Variants in LAMA1 observed in about 807,000 individuals in gnomAD.
The protein encoded by LAMA1 is laminin subunit alpha-1.
In LAMA1, 219 loss-of-function variants were observed where a neutral mutation model predicts 348.7. That is an observed-to-expected ratio of 0.63 (90% CI 0.56 to 0.70). LAMA1 has a LOEUF of 0.70. LAMA1 is among the 30% of genes least tolerant of loss of function. The probability of loss-of-function intolerance (pLI) is 0.00; values close to 1 mark genes in which losing one functional copy is unlikely to be tolerated. For synonymous variants in LAMA1, 1,487 were observed against 1,491.0 expected (o/e 1.00, Z 0.06); for missense variants, 3,744 against 3,888.0 (o/e 0.96, Z 0.99).
At chr18:7,080,592 C>T (rs528998684) in intron 1 of LAMA1, 135 bp from the exon 2 acceptor site, 4 of 898,918 alleles carry the variant, frequency 4.4e-6, no homozygotes, top group South Asian at 2.9e-5. Flanking sequence ...TACACAAACA[C>T]CGTATACGCA....
At chr18:7,038,010 G>T (rs1409152057) in intron 11 of LAMA1, among the ~76,000 whole-genome samples, 1 of 152,048 alleles carries the variant, frequency 6.6e-6, no homozygotes, top group Non-Finnish European at 1.5e-5. Flanking sequence ...AACCATAAAG[G>T]CCATGGGTAT....
At chr18:6,995,656 T>C (rs2057778170) in intron 33 of LAMA1, among the ~76,000 whole-genome samples, 1 of 152,224 alleles carries the variant, frequency 6.6e-6, no homozygotes, top group South Asian at 2.1e-4. Flanking sequence ...ATATTTCTGA[T>C]ATAGATATAA....
chr18:6,995,559 T>C, intron 33 of LAMA1, 113 bp from the exon 34 acceptor site: 1 of 709,940 alleles, frequency 1.4e-6, no homozygotes, highest in African/African-American at 1.8e-5. Flanking sequence ...CTTCTTTCCT[T>C]GGAACTGTCA....
chr18:7,000,178 G>A, intron 30 of LAMA1, among the ~76,000 whole-genome samples, 181 bp from the exon 31 acceptor site: 1 of 152,214 alleles, frequency 6.6e-6, no homozygotes, highest in East Asian at 1.9e-4. Flanking sequence ...ATCAGTAAGT[G>A]CACACACATC....
At chr18:7,057,420 C>T (rs2058085893) in intron 3 of LAMA1, among the ~76,000 whole-genome samples, 1 of 151,650 alleles carries the variant, frequency 6.6e-6, no homozygotes, top group Non-Finnish European at 1.5e-5. Context: ...CCAGTTTTTC[C>T]ACCCTTTCAC....
intron 3 of LAMA1, among the ~76,000 whole-genome samples, chr18:7,071,534 T>C (rs1407189148): frequency 6.6e-6 from 1 of 152,190 alleles, no homozygotes; most frequent in Non-Finnish European, 1.5e-5. Flanking sequence ...CTCAAGTTAT[T>C]ACCCATAACA....
At chr18:6,991,677 A>G (rs1895809208) in intron 36 of LAMA1, among the ~76,000 whole-genome samples, 1 of 152,148 alleles carries the variant, frequency 6.6e-6, no homozygotes, top group African/African-American at 2.4e-5. Context: ...TGCGTGAGCC[A>G]CCACGCCCAG....
At chr18:7,014,254 G>A (rs1291296420) in intron 22 of LAMA1, among the ~76,000 whole-genome samples, 1 of 152,158 alleles carries the variant, frequency 6.6e-6, no homozygotes, top group Non-Finnish European at 1.5e-5. Context: ...GCATCTTAGT[G>A]GCACATGCGC....
At chr18:7,093,661 A>C in intron 1 of LAMA1, among the ~76,000 whole-genome samples, 1 of 152,206 alleles carries the variant, frequency 6.6e-6, no homozygotes, top group East Asian at 1.9e-4. Flanking sequence ...TTGATTAATA[A>C]TACCATAACA....
Position 7,014,034 on chromosome 18 carries a change from G to A in LAMA1, c.3144C>T (p.Leu1048=), listed in dbSNP as rs757775104. 1.2e-5 allele frequency: 20 copies of A among 1,613,726 alleles called. No homozygotes were observed. The highest frequency in any genetic ancestry group is 1.7e-5 in the Admixed American group (1 of 59,960). The change falls in exon 23 of 63, where the codon CTC becomes CTT. Residue 1048 remains leucine (L), a synonymous_variant. Transcript: ENST00000389658. ...EVGCQACNCS[L]VGSTHHRCDV... ...CGCACCGATGATGAGTCGACCCCACGAGACTGCAATTGCAGGCCTGAGAGA... is the reference window on the plus strand; with the variant it reads ...CGCACCGATGATGAGTCGACCCCACAAGACTGCAATTGCAGGCCTGAGAGA...
At chr18:7,050,172 C>T (rs923545069) in intron 4 of LAMA1, among the ~76,000 whole-genome samples, 4 of 152,152 alleles carry the variant, frequency 2.6e-5, no homozygotes, top group Non-Finnish European at 5.9e-5. Context: ...GCAGAGTTCC[C>T]GCTGTGAAGA....
intron 31 of LAMA1, 63 bp downstream of exon 31, chr18:6,999,848 C>A (rs2057799693): frequency 2.8e-6 from 4 of 1,444,884 alleles, no homozygotes; most frequent in East Asian, 2.3e-5. Flanking sequence ...AGTAAATATG[C>A]CCAATACCTT....
chr18:7,050,306 C>A (rs931230825), intron 4 of LAMA1, among the ~76,000 whole-genome samples: 9 of 152,174 alleles, frequency 5.9e-5, no homozygotes, highest in African/African-American at 2.2e-4. Context: ...CACTAAGCTG[C>A]AAGACTTCAA....
In LAMA1 at chr18:6,975,009, G is replaced by A. The variant is rs781634167; in HGVS notation, c.6517C>T (p.Arg2173Ter). ...TCCCACAGGAAGGCCACTCTCCCTC[G>A]CCGCATCTCCACTGCAAGGAAATCA... ...ASDFLAVEMR[R>*]GRVAFLWDLG... The change falls in exon 46 of 63, where the codon CGA becomes TGA. Residue 2173 changes from arginine to a stop codon, truncating the protein, a stop_gained. Transcript: ENST00000389658. LOFTEE classifies it high-confidence loss of function. The A allele has an allele frequency of 2.5e-6, 4 of 1,613,920 alleles. No individual in the cohort carries two copies. The highest frequency in any genetic ancestry group is 2.5e-6 in the Non-Finnish European group (3 of 1,179,948).
chr18:7,042,380 G>T, intron 8 of LAMA1, 130 bp from the exon 9 acceptor site: 1 of 682,664 alleles, frequency 1.5e-6, no homozygotes, highest in East Asian at 2.8e-5. Flanking sequence ...ATGGGGGTGG[G>T]GGTTAGGTTT....
chr18:7,048,863 G>A (rs182542419), intron 5 of LAMA1, among the ~76,000 whole-genome samples: 1 of 152,226 alleles, frequency 6.6e-6, no homozygotes, highest in Admixed American at 6.5e-5. Flanking sequence ...CGGGGTGGGT[G>A]AGGGACCTAA....
chr18:7,011,071 A>G lies in LAMA1; in HGVS notation c.3687+229T>C, dbSNP rs142705347. Among the ~76,000 whole-genome samples, 208 of 152,362 alleles carry G rather than the reference A, an allele frequency of 1.4e-3. 1 individual carries two copies. The highest frequency in any genetic ancestry group is 4.5e-3 in the African/African-American group (188 of 41,584). On this transcript the variant is annotated intron_variant, in intron 25 of 62. Transcript: ENST00000389658. ...TTGAATGACTGCTTTAGGAAGAACC[A>G]AATTAATATAACGTGAACTTAAAAA...
intron 46 of LAMA1, 104 bp downstream of exon 46, chr18:6,974,799 T>C: frequency 6.9e-7 from 1 of 1,453,980 alleles, no homozygotes. Context: ...ATAATCTGAC[T>C]TTCCAGAAGT....
intron 3 of LAMA1, among the ~76,000 whole-genome samples, chr18:7,074,809 A>G (rs904373181): frequency 6.6e-6 from 1 of 151,284 alleles, no homozygotes; most frequent in Admixed American, 6.6e-5. Context: ...TAAAAAGCAA[A>G]GAAGTAAATC....
Sources: allele counts gnomAD v4.1 joint callset (sites outside exome capture counted in the v4.1 genomes callset), GRCh38; gene constraint gnomAD v4.1.1; transcripts MANE v1.5; gene names NCBI Gene and HGNC (gene_info 2026-07-23, HGNC 2026-07-21).